Variants in MYO19 observed in about 807,000 individuals in gnomAD.
MYO19 encodes myosin XIX.
In MYO19, 132 loss-of-function variants were observed where a neutral mutation model predicts 129.2. The observed-to-expected ratio is 1.02, with a 90% CI of 0.89 to 1.18. The LOEUF is 1.18. MYO19 is among the 50% of genes most tolerant of loss of function. The pLI is 0.00. For missense variants in MYO19, 1,210 were observed against 1,216.7 expected (o/e 0.99, Z 0.08); for synonymous variants, 531 against 477.2 (o/e 1.11, Z -1.47).
intron 6 of MYO19, among the ~76,000 whole-genome samples, chr17:36,523,829 T>C (rs1309627092): frequency 6.6e-6 from 1 of 152,174 alleles, no homozygotes; most frequent in Non-Finnish European, 1.5e-5. Flanking sequence ...AGTTTAAAAA[T>C]ACGGATGTAA....
chr17:36,507,823 G>A lies in MYO19; in HGVS notation c.1333C>T (p.His445Tyr), dbSNP rs1197320112. Residue 445 changes from histidine (H) to tyrosine (Y), a missense_variant, in exon 15 of 26, where the codon CAC becomes TAC. Transcript: ENST00000614623. ...NEKLQQHFVAHYLRAQQEEYA... is the reference protein window; with the variant it reads ...NEKLQQHFVAYYLRAQQEEYA... ...CTCACCTGCTGGGCCCTTAGGTAGT[G>A]AGCCACAAAATGCTGCTGCAGCTTC... 4.3e-6 allele frequency: 7 copies of A among 1,613,026 alleles called. No homozygotes were observed. The highest frequency in any genetic ancestry group is 1.1e-5 in the South Asian group (1 of 90,950).
At chr17:36,513,403 T>A (rs1438787388) in intron 11 of MYO19, 26 bp downstream of exon 11, 2 of 1,614,014 alleles carry the variant, frequency 1.2e-6, no homozygotes, top group Admixed American at 1.7e-5. Flanking sequence ...TCTGCCAAAC[T>A]TAAGTGGCGT....
chr17:36,526,569 C>A (rs937297993), intron 5 of MYO19, among the ~76,000 whole-genome samples: 8 of 152,164 alleles, frequency 5.3e-5, no homozygotes, highest in East Asian at 1.9e-4. Flanking sequence ...CAATCCTTAT[C>A]GTGTATAATT....
At chr17:36,524,487 C>A (rs1262017262) in intron 6 of MYO19, among the ~76,000 whole-genome samples, 1 of 152,186 alleles carries the variant, frequency 6.6e-6, no homozygotes, top group African/African-American at 2.4e-5. Context: ...GGTGGCAAGG[C>A]CTTGGCCAAT....
upstream of MYO19, among the ~76,000 whole-genome samples, chr17:36,535,968 C>T (rs535302185): frequency 6.6e-6 from 1 of 152,180 alleles, no homozygotes; most frequent in Admixed American, 6.5e-5. Context: ...GAGATATTGT[C>T]ACAGGTTCCA....
rs1196155814 is a variant in MYO19 at position 36,507,124 on chromosome 17, G to A, written c.1483C>T (p.Arg495Ter). 4 of 1,602,430 alleles carry A rather than the reference G, an allele frequency of 2.5e-6. No individual in the cohort carries two copies. Among genetic ancestry groups the A allele is most frequent in the East Asian group, 2.2e-5 (1 of 44,552 alleles). The change falls in exon 17 of 26, where the codon CGA (arginine) becomes TGA (stop). Residue 495 changes from arginine to a stop codon, truncating the protein, a stop_gained. Transcript: ENST00000614623. LOFTEE classifies it high-confidence loss of function. ...SLINEECRLN[R>*]PSSAAQLQTR... Reference sequence around the variant, plus strand: ...TGGAGCTGGGCTGCGCTGCTGGGTCGATTGAGGCGGCATTCCTGTGGGATG... The same window carrying A: ...TGGAGCTGGGCTGCGCTGCTGGGTCAATTGAGGCGGCATTCCTGTGGGATG...
chr17:36,526,942 G>A (rs952557467), intron 5 of MYO19, among the ~76,000 whole-genome samples: 1 of 152,058 alleles, frequency 6.6e-6, no homozygotes, highest in Admixed American at 6.6e-5. Flanking sequence ...CGCTTTGGGA[G>A]GCCAAGGTGG....
intron 2 of MYO19, chr17:36,533,662 T>G (rs1157217242): frequency 6.6e-6 from 1 of 152,154 alleles, no homozygotes; most frequent in African/African-American, 2.4e-5. Flanking sequence ...GCTGGACCAC[T>G]TAAGGTGTGG....
At chr17:36,502,287 AGCCT>A (rs955063969) in intron 21 of MYO19, among the ~76,000 whole-genome samples, 7 of 152,170 alleles carry the variant, frequency 4.6e-5, no homozygotes, top group Non-Finnish European at 7.4e-5. Context: ...TTGAGACTAA[AGCCT>A]GCCTAAGTGC....
At chr17:36,526,057 T>C (rs557824848) in intron 5 of MYO19, among the ~76,000 whole-genome samples, 1 of 152,232 alleles carries the variant, frequency 6.6e-6, no homozygotes, top group East Asian at 1.9e-4. Flanking sequence ...AGTGATCACT[T>C]ACCCACAGCT....
At chr17:36,518,603 A>T (rs2072951229) in intron 6 of MYO19, among the ~76,000 whole-genome samples, 3 of 141,180 alleles carry the variant, frequency 2.1e-5, no homozygotes, top group South Asian at 4.5e-4. Context: ...TATATATATA[A>T]AAGTATGTAT....
At chr17:36,512,132 C>G (rs747394807) in intron 11 of MYO19, among the ~76,000 whole-genome samples, 33 of 151,844 alleles carry the variant, frequency 2.2e-4, no homozygotes, top group Admixed American at 3.9e-4. Flanking sequence ...AGGTGGATCA[C>G]TTGAAGTCAG....
At chr17:36,514,096 G>T (rs1434792581) in intron 9 of MYO19, among the ~76,000 whole-genome samples, 1 of 152,152 alleles carries the variant, frequency 6.6e-6, no homozygotes, top group African/African-American at 2.4e-5. Flanking sequence ...GATGGAAAAG[G>T]CACAACTCTA....
intron 11 of MYO19, among the ~76,000 whole-genome samples, chr17:36,512,196 A>AACACACACACACACACACACAC (rs57765074): frequency 1.4e-5 from 2 of 138,134 alleles, no homozygotes; most frequent in African/African-American, 5.7e-5. Context: ...ACTAAAAATA[A>AACACACACACACACACACACAC]ACACACACAC....
At chr17:36,497,516 T>C in intron 25 of MYO19, 2 of 984,788 alleles carry the variant, frequency 2.0e-6, no homozygotes, top group Non-Finnish European at 2.4e-6. Context: ...AAGTCTTGGG[T>C]AGTTTCTTTT....
At chr17:36,538,411 G>T (rs2074173282), upstream of MYO19, 2 of 1,613,924 alleles carry the variant, frequency 1.2e-6, no homozygotes, top group Non-Finnish European at 1.7e-6. Flanking sequence ...ATGGAACCCA[G>T]TCTTTGTTTA....
intron 1 of MYO19, 74 bp from the exon 2 acceptor site, chr17:36,534,178 C>T (rs532865609): frequency 2.4e-4 from 37 of 152,624 alleles, no homozygotes; most frequent in African/African-American, 7.9e-4. Context: ...GATCACCAGT[C>T]CCTCCTTCTC....
At chr17:36,515,320 G>A (rs903875905) in intron 7 of MYO19, 138 bp from the exon 8 acceptor site, 3 of 676,200 alleles carry the variant, frequency 4.4e-6, no homozygotes, top group African/African-American at 1.8e-5. Flanking sequence ...TCATGTCATA[G>A]GGGACAGGAC....
chr17:36,538,710 A>C (rs1047317776), upstream of MYO19: 1 of 1,036,064 alleles, frequency 9.7e-7, no homozygotes, highest in African/African-American at 1.6e-5. Context: ...TGTTAACCAT[A>C]TTTTATTATA....
Sources: allele counts gnomAD v4.1 joint callset (sites outside exome capture counted in the v4.1 genomes callset), GRCh38; gene constraint gnomAD v4.1.1; transcripts MANE v1.5; gene names NCBI Gene and HGNC (gene_info 2026-07-23, HGNC 2026-07-21).